PIGZ: variants seen among roughly 807,000 people sequenced by gnomAD.
PIGZ encodes the protein phosphatidylinositol glycan anchor biosynthesis class Z (Gwada blood group), also known as GPI alpha-1,2-mannosyltransferase 4.
A neutral mutation model predicts 16.4 loss-of-function variants in PIGZ; 16 were observed. The observed-to-expected ratio is 0.97, with a 90% CI of 0.66 to 1.48. PIGZ has a LOEUF of 1.48. Ranked by LOEUF, PIGZ falls within the 40% of genes most tolerant of loss-of-function variation. PIGZ has a pLI of 0.00. For synonymous variants in PIGZ, 409 were observed against 338.4 expected (o/e 1.21, Z -2.29); for missense variants, 770 against 739.2 (o/e 1.04, Z -0.48).
intron 1 of PIGZ, among the ~76,000 whole-genome samples, chr3:196,956,321 A>T (rs1717483370): frequency 6.6e-6 from 1 of 152,208 alleles, no homozygotes; most frequent in African/African-American, 2.4e-5. Flanking sequence ...CCTCACAATC[A>T]TGGTGGAAGG....
intron 2 of PIGZ, chr3:196,951,564 AT>A: frequency 1.8e-6 from 1 of 540,842 alleles, no homozygotes; most frequent in Non-Finnish European, 3.3e-6. Context: ...AATGACCTGT[AT>A]TGTTGGTCCA....
intron 1 of PIGZ, among the ~76,000 whole-genome samples, chr3:196,967,742 G>C (rs1261440957): frequency 1.3e-5 from 2 of 152,106 alleles, no homozygotes; most frequent in Non-Finnish European, 2.9e-5. Flanking sequence ...TTCTTCCTTC[G>C]GTTGCCTGAA....
intron 1 of PIGZ, among the ~76,000 whole-genome samples, chr3:196,964,507 A>G (rs822185): frequency 0.78 from 118,124 of 151,946 alleles, 46,429 homozygotes; most frequent in East Asian, 0.91. Context: ...ACAGGCACGC[A>G]TCACCACGCC....
Position 196,948,267 on chromosome 3 carries a change from C to G in PIGZ, c.630G>C (p.Arg210=). ...PTRKEPAPGP[R]WRSWLLGGIV... Reference sequence around the variant, plus strand: ...TGCCTCCAAGAAGCCAGCTGCGCCACCGTGGACCCGGCGCCGGCTCCTTGC... The same window carrying G: ...TGCCTCCAAGAAGCCAGCTGCGCCAGCGTGGACCCGGCGCCGGCTCCTTGC... Residue 210 remains arginine, a synonymous_variant, in exon 3 of 3, where the codon CGG becomes CGC. Coordinates refer to ENST00000412723, the MANE Select transcript of PIGZ (RefSeq NM_025163.4). 1 of 1,614,152 alleles carries G rather than the reference C, an allele frequency of 6.2e-7. No individual in the cohort carries two copies. Among genetic ancestry groups the G allele is most frequent in the African/African-American group, 1.3e-5 (1 of 75,052 alleles).
intron 1 of PIGZ, among the ~76,000 whole-genome samples, chr3:196,957,812 C>G (rs1717559646): frequency 6.6e-6 from 1 of 152,162 alleles, no homozygotes. Flanking sequence ...TCCCGAGAAG[C>G]TACCAAGTCC....
Position 196,947,089 on chromosome 3 carries a change from A to G in PIGZ, c.*68T>C. The G allele has an allele frequency of 7.0e-7, 1 of 1,420,858 alleles. No homozygotes were observed. Among genetic ancestry groups the G allele is most frequent in the Non-Finnish European group, 9.5e-7 (1 of 1,051,422 alleles). 88.0% of individuals were successfully genotyped at this position (1,420,858 alleles called of 1,614,324 possible). On this transcript the variant is annotated 3_prime_UTR_variant, in exon 3 of 3. Coordinates refer to ENST00000412723, the MANE Select transcript of PIGZ (RefSeq NM_025163.4). ...CCTGTCCCAGCGTCCCAGCCCAGCT[A>G]CCCAAGTAGAAGGTGGGGCGGCATC...
chr3:196,963,996 CAAT>C (rs1441510293), intron 1 of PIGZ, among the ~76,000 whole-genome samples: 1 of 152,094 alleles, frequency 6.6e-6, no homozygotes, highest in African/African-American at 2.4e-5. Context: ...AATAGTATAA[CAAT>C]AATAATAGCA....
In PIGZ at chr3:196,948,502, A is replaced by G; in HGVS notation, c.395T>C (p.Leu132Pro). The change falls in exon 3 of 3, where the codon CTC becomes CCC. Residue 132 changes from leucine (L) to proline (P), a missense_variant. Transcript: ENST00000412723. ...GYALLVGPRL[L>P]LTALSFALDG... ...CAGAGCAAAGGAAAGGGCAGTGAGG[A>G]GGAGTCGAGGCCCCACCAGCAGCGC... is the stretch of plus-strand genomic sequence containing the variant. 1 of 1,613,076 alleles carries G rather than the reference A, an allele frequency of 6.2e-7. No individual in the cohort carries two copies. Among genetic ancestry groups the G allele is most frequent in the South Asian group, 1.1e-5 (1 of 91,016 alleles).
Position 196,947,784 on chromosome 3 carries a change from A to G in PIGZ, c.1113T>C (p.Leu371=). The G allele has an allele frequency of 2.5e-6, 4 of 1,608,424 alleles. No homozygotes were observed. ...SLLSSPRSYL[L]LLYFMPLALL... ...GGGCCAGAGGCATGAAGTAGAGGAGAAGGAGATAGGACCTGGGGCTGGACA... is the reference window on the plus strand; with the variant it reads ...GGGCCAGAGGCATGAAGTAGAGGAGGAGGAGATAGGACCTGGGGCTGGACA... The change falls in exon 3 of 3, where the codon CTT becomes CTC. Residue 371 remains leucine (L), a synonymous_variant. Coordinates refer to ENST00000412723, the MANE Select transcript of PIGZ (RefSeq NM_025163.4).
intron 1 of PIGZ, among the ~76,000 whole-genome samples, chr3:196,961,085 G>C (rs1472978958): frequency 6.6e-6 from 1 of 152,244 alleles, no homozygotes; most frequent in Non-Finnish European, 1.5e-5. Context: ...GATGGATACA[G>C]TTTCTGAAGT....
rs375266212 is a variant in PIGZ, at chr3:196,951,807, A to G, written c.211+14T>C. 2.2e-5 allele frequency: 36 copies of G among 1,613,724 alleles called. No homozygotes were observed. Among genetic ancestry groups the G allele is most frequent in the Non-Finnish European group, 2.9e-5 (34 of 1,179,750 alleles). ...CTGCTGCAGCTTGTCTCAGCCACAC[A>G]TGCGGAGTTTTACCTGCCATCACCT... On this transcript the variant is annotated intron_variant, in intron 2 of 2. Coordinates refer to ENST00000412723, the MANE Select transcript of PIGZ (RefSeq NM_025163.4).
At chr3:196,958,342 ACT>A (rs944780256) in intron 1 of PIGZ, among the ~76,000 whole-genome samples, 2 of 152,056 alleles carry the variant, frequency 1.3e-5, no homozygotes, top group Non-Finnish European at 2.9e-5. Flanking sequence ...TCAAAAAAAC[ACT>A]GTTAGGCCGG....
At chr3:196,950,029 A>G (rs1280457135) in intron 2 of PIGZ, among the ~76,000 whole-genome samples, 1 of 151,750 alleles carries the variant, frequency 6.6e-6, no homozygotes, top group African/African-American at 2.4e-5. Flanking sequence ...TCTGTCACGC[A>G]TGCTAGAGTC....
Position 196,951,872 on chromosome 3 carries a change from T to A in PIGZ, c.160A>T (p.Thr54Ser), listed in dbSNP as rs767499165. ...LRVLWCLLPQ[T>S]GYVHPDEFFQ... ...AACTCATCTGGGTGCACATAGCCCG[T>A]CTGCGGAAGGAGACACCACAGCACT... The change falls in exon 2 of 3, where the codon ACG becomes TCG. Residue 54 changes from threonine to serine, a missense_variant. Transcript: ENST00000412723. 11 of 1,614,020 alleles carry A rather than the reference T, an allele frequency of 6.8e-6. No individual in the cohort carries two copies. Among genetic ancestry groups the A allele is most frequent in the Non-Finnish European group, 9.3e-6 (11 of 1,180,028 alleles).
At chr3:196,963,243 GTAAACAGTGCTACTA>G (rs984663191) in intron 1 of PIGZ, among the ~76,000 whole-genome samples, 4 of 152,180 alleles carry the variant, frequency 2.6e-5, no homozygotes, top group Middle Eastern at 6.3e-3. Context: ...TTTGGCTATT[GTAAACAGTGCTACTA>G]TAAACTTTTG....
chr3:196,954,903 C>G (rs1435233023), intron 1 of PIGZ, among the ~76,000 whole-genome samples: 1 of 151,926 alleles, frequency 6.6e-6, no homozygotes, highest in African/African-American at 2.4e-5. Flanking sequence ...GTCATTAGAT[C>G]AAGCTTATTA....
intron 1 of PIGZ, among the ~76,000 whole-genome samples, chr3:196,961,845 G>A (rs1412692327): frequency 1.3e-5 from 2 of 152,076 alleles, no homozygotes; most frequent in African/African-American, 2.4e-5. Flanking sequence ...ATGGTTTTTG[G>A]TATATTCGTA....
chr3:196,963,566 A>C (rs1717804862), intron 1 of PIGZ, among the ~76,000 whole-genome samples: 1 of 152,240 alleles, frequency 6.6e-6, no homozygotes, highest in Non-Finnish European at 1.5e-5. Flanking sequence ...GTTCACCAGC[A>C]GACTTTCTAT....
chr3:196,953,170 T>C (rs1414652084), intron 1 of PIGZ, among the ~76,000 whole-genome samples: 3 of 152,230 alleles, frequency 2.0e-5, no homozygotes, highest in Admixed American at 1.3e-4. Context: ...ATTGTTTCTG[T>C]TTCTCTGGAG....
Sources: gnomAD v4.1 joint callset for allele counts (sites outside exome capture counted in the v4.1 genomes callset) on GRCh38, gnomAD v4.1.1 for gene constraint, MANE v1.5 for transcripts, NCBI Gene and HGNC (gene_info 2026-07-23, HGNC 2026-07-21) for gene names.